The following SRSF12 variants were observed in gnomAD, a reference collection of about 807,000 sequenced individuals.
SRSF12 encodes the protein serine and arginine rich splicing factor 12.
SRSF12 carries 21 observed loss-of-function variants against 34.1 expected under a neutral mutation model. That is an observed-to-expected ratio of 0.62 (90% CI 0.44 to 0.89). SRSF12 has a LOEUF of 0.89. SRSF12 is among the 40% of genes least tolerant of loss of function. The pLI, the probability that SRSF12 is intolerant of heterozygous loss-of-function variation, is 0.00. For synonymous variants in SRSF12, 111 were observed against 110.8 expected (o/e 1.00, Z -0.01); for missense variants, 278 against 327.8 (o/e 0.85, Z 1.17).
intron 1 of SRSF12, 47 bp downstream of exon 1, chr6:89,117,776 A>T (rs778521268): frequency 6.6e-7 from 1 of 1,511,750 alleles, no homozygotes; most frequent in Non-Finnish European, 8.8e-7. Context: ...CGCGGCTGTT[A>T]CCCCGCCCCT....
Position 89,097,509 on chromosome 6 carries a change from TTTCTTC to T in SRSF12, c.*1063_*1068del, listed in dbSNP as rs370019284. 6.6e-6 allele frequency: 1 copy of T among 151,882 alleles called. No individual in the cohort carries two copies. Among genetic ancestry groups the T allele is most frequent in the Admixed American group, 6.6e-5 (1 of 15,212 alleles). 9.4% of individuals were successfully genotyped at this position (151,882 alleles called of 1,614,324 possible). A position where few individuals can be genotyped will look rare whatever the true frequency, so the allele number is the denominator to read the frequency against. Reference sequence around the variant, plus strand: ...TGTTTTTTGAAGATGTAGTCTCGAGTTTCTTCTTCTTCTTTTTTTTAAATTTTAGAG... The same window carrying T: ...TGTTTTTTGAAGATGTAGTCTCGAGTTTCTTCTTTTTTTTAAATTTTAGAG... On this transcript the variant is annotated 3_prime_UTR_variant, in exon 5 of 5. Coordinates refer to ENST00000452027, the MANE Select transcript of SRSF12 (RefSeq NM_080743.5).
At chr6:89,106,376 G>C (rs1014843972) in intron 2 of SRSF12, among the ~76,000 whole-genome samples, 2 of 152,142 alleles carry the variant, frequency 1.3e-5, no homozygotes, top group Non-Finnish European at 2.9e-5. Context: ...GCCTCCCAAA[G>C]TGCTGGGATT....
intron 1 of SRSF12, among the ~76,000 whole-genome samples, chr6:89,117,100 A>T (rs1769338636): frequency 6.6e-6 from 1 of 152,052 alleles, no homozygotes; most frequent in South Asian, 2.1e-4. Context: ...GTCATTCCTT[A>T]GTATCTGTGT....
intron 4 of SRSF12, 60 bp downstream of exon 4, chr6:89,105,059 A>AT: frequency 6.7e-7 from 1 of 1,487,670 alleles, no homozygotes; most frequent in Non-Finnish European, 9.0e-7. Context: ...CTATCAAAAA[A>AT]ATATATATCT....
At chr6:89,105,589 C>A in intron 2 of SRSF12, 59 bp from the exon 3 acceptor site, 2 of 1,209,118 alleles carry the variant, frequency 1.7e-6, no homozygotes, top group South Asian at 1.8e-5. Flanking sequence ...ATTTTAAAAG[C>A]ATTATTTACA....
Position 89,117,803 on chromosome 6 carries a change from C to T in SRSF12, c.65+20G>A, listed in dbSNP as rs1175779651. 1.9e-6 allele frequency: 3 copies of T among 1,546,586 alleles called. No homozygotes were observed. The African/African-American group carries it at 4.3e-5, about 22-fold the overall frequency. ...CCCGCCCCTCCTCCGCGCCCCCAAC[C>T]TGCAGCCGCGGCCGTTCACCTGGTG... On this transcript the variant is annotated intron_variant, in intron 1 of 4. Coordinates refer to ENST00000452027, the MANE Select transcript of SRSF12 (RefSeq NM_080743.5).
intron 2 of SRSF12, 184 bp from the exon 3 acceptor site, chr6:89,105,714 A>G (rs900389822): frequency 2.5e-6 from 1 of 406,940 alleles, no homozygotes; most frequent in African/African-American, 2.1e-5. Flanking sequence ...CAAATGACCC[A>G]TTATGTTTAG....
At chr6:89,115,930 C>T (rs978958564) in intron 1 of SRSF12, among the ~76,000 whole-genome samples, 20 of 152,084 alleles carry the variant, frequency 1.3e-4, no homozygotes. Context: ...CCACCGCACC[C>T]GGCCACGAAT....
At chr6:89,114,944 G>A (rs1409907479) in intron 1 of SRSF12, among the ~76,000 whole-genome samples, 2 of 151,334 alleles carry the variant, frequency 1.3e-5, no homozygotes, top group Non-Finnish European at 2.9e-5. Context: ...TCACAGGCAC[G>A]CACCACCATG....
chr6:89,098,987 A>G, intron 4 of SRSF12, 40 bp from the exon 5 acceptor site: 1 of 1,549,408 alleles, frequency 6.5e-7, no homozygotes, highest in Non-Finnish European at 8.7e-7. Flanking sequence ...ATTTCACACA[A>G]AATAAGAGAT....
chr6:89,106,646 C>G (rs1768801660), intron 2 of SRSF12: 1 of 164,210 alleles, frequency 6.1e-6, no homozygotes, highest in South Asian at 1.6e-4. Context: ...AGAAAAAGCT[C>G]AAGATACACA....
At chr6:89,108,752 A>G (rs1465460228) in intron 1 of SRSF12, among the ~76,000 whole-genome samples, 2 of 152,252 alleles carry the variant, frequency 1.3e-5, no homozygotes, top group African/African-American at 2.4e-5. Flanking sequence ...GAACACTGAT[A>G]AGAGTTCTAT....
chr6:89,109,951 C>T (rs1373622946), intron 1 of SRSF12, among the ~76,000 whole-genome samples: 9 of 151,964 alleles, frequency 5.9e-5, no homozygotes, highest in African/African-American at 1.2e-4. Context: ...ATTAACTGGG[C>T]GTGGTGGCGG....
At chr6:89,099,213 G>C (rs1768395422) in intron 4 of SRSF12, among the ~76,000 whole-genome samples, 2 of 151,526 alleles carry the variant, frequency 1.3e-5, no homozygotes, top group Admixed American at 6.6e-5. Flanking sequence ...TGCATATTTG[G>C]TCTGAGTTAT....
intron 1 of SRSF12, among the ~76,000 whole-genome samples, chr6:89,111,429 T>G (rs945393428): frequency 6.6e-6 from 1 of 152,192 alleles, no homozygotes; most frequent in South Asian, 2.1e-4. Context: ...AATGCAACTG[T>G]TTTTTAAAAT....
intron 4 of SRSF12, among the ~76,000 whole-genome samples, chr6:89,104,758 A>G (rs1475387407): frequency 1.3e-5 from 2 of 152,028 alleles, no homozygotes; most frequent in Non-Finnish European, 2.9e-5. Context: ...TAAAAACTTT[A>G]AAATATTTTC....
At chr6:89,108,287 G>A (rs915379933) in intron 1 of SRSF12, among the ~76,000 whole-genome samples, 2 of 152,198 alleles carry the variant, frequency 1.3e-5, no homozygotes, top group African/African-American at 4.8e-5. Context: ...ATGTTAGCCA[G>A]TGTTCACCTT....
At chr6:89,117,041 G>A (rs1769335886) in intron 1 of SRSF12, among the ~76,000 whole-genome samples, 5 of 151,622 alleles carry the variant, frequency 3.3e-5, no homozygotes, top group Admixed American at 3.3e-4. Flanking sequence ...CTCTCCCCCC[G>A]CCCCCAATTT....
At chr6:89,113,844 T>C (rs946617261) in intron 1 of SRSF12, among the ~76,000 whole-genome samples, 1 of 152,084 alleles carries the variant, frequency 6.6e-6, no homozygotes, top group East Asian at 1.9e-4. Flanking sequence ...GGTTTTGCTA[T>C]GTTTCCCTGG....
Sources: allele counts gnomAD v4.1 joint callset (sites outside exome capture counted in the v4.1 genomes callset), GRCh38; gene constraint gnomAD v4.1.1; transcripts MANE v1.5; gene names NCBI Gene and HGNC (gene_info 2026-07-23, HGNC 2026-07-21).